Variants in YBX1 observed in about 807,000 individuals in gnomAD.
YBX1 encodes Y-box binding protein 1.
In YBX1, 3 loss-of-function variants were observed where a neutral mutation model predicts 41.4. The observed-to-expected ratio is 0.07, with a 90% CI of 0.03 to 0.19. The LOEUF (loss-of-function observed/expected upper bound fraction) is 0.19, where lower values mean the gene tolerates loss of function less well. Among genes scored for constraint, YBX1 ranks in the 10% least tolerant of loss-of-function variants. YBX1 has a pLI of 1.00. For missense variants in YBX1, 274 were observed against 462.8 expected, an observed-to-expected ratio of 0.59 and a Z score of 3.74; for synonymous variants, 133 against 165.8, an observed-to-expected ratio of 0.80 and a Z score of 1.52.
chr1:42,683,551 AT>A, intron 2 of YBX1, 85 bp downstream of exon 2: 2 of 1,497,232 alleles, frequency 1.3e-6, no homozygotes, highest in Non-Finnish European at 1.9e-6. Context: ...GGAAGCCCCA[AT>A]CCACAGCTCT....
chr1:42,701,404 A>G (rs1474672407), intron 7 of YBX1, among the ~76,000 whole-genome samples: 1 of 152,200 alleles, frequency 6.6e-6, no homozygotes, highest in Non-Finnish European at 1.5e-5. Context: ...TAATTACATT[A>G]TTATTTATGC....
chr1:42,687,740 G>A (rs933904874), intron 2 of YBX1, among the ~76,000 whole-genome samples: 1 of 152,130 alleles, frequency 6.6e-6, no homozygotes, highest in African/African-American at 2.4e-5. Flanking sequence ...CAAATGTGTG[G>A]TTCTTAATAG....
In YBX1 at chr1:42,683,266, G is replaced by C. The variant is rs559087464; in HGVS notation, c.167-137G>C. 20 of 1,023,096 alleles carry C rather than the reference G, an allele frequency of 2.0e-5. No individual in the cohort carries two copies. In the East Asian group the frequency reaches 2.7e-4, roughly 14 times the overall value. The allele number at this position is 1,023,096 out of a possible 1,614,324, so 63.4% of individuals were successfully genotyped here. ...GCGGCGGCGGCGACTGCGTGGCCCCGCACCCGGGCGGTGGAGAGAAAGGGC... is the reference window on the plus strand; with the variant it reads ...GCGGCGGCGGCGACTGCGTGGCCCCCCACCCGGGCGGTGGAGAGAAAGGGC... On this transcript the variant is annotated intron_variant, in intron 1 of 7. Coordinates refer to ENST00000321358, the MANE Select transcript of YBX1 (RefSeq NM_004559.5).
chr1:42,684,965 G>T (rs1169795069), intron 2 of YBX1, among the ~76,000 whole-genome samples: 1 of 152,162 alleles, frequency 6.6e-6, no homozygotes, highest in African/African-American at 2.4e-5. Flanking sequence ...GATTCATTAG[G>T]TCTGGGTACA....
At chr1:42,698,362 C>T (rs1650512834) in intron 6 of YBX1, among the ~76,000 whole-genome samples, 1 of 152,178 alleles carries the variant, frequency 6.6e-6, no homozygotes, top group African/African-American at 2.4e-5. Context: ...CCTAACTGAT[C>T]ACTACCACAA....
chr1:42,686,177 TTC>T (rs1323302833), intron 2 of YBX1, among the ~76,000 whole-genome samples: 2 of 152,252 alleles, frequency 1.3e-5, no homozygotes, highest in African/African-American at 4.8e-5. Flanking sequence ...AGGAATATTT[TTC>T]TGTTTCCAGA....
At chr1:42,700,543 G>A (rs1340394736) in intron 6 of YBX1, among the ~76,000 whole-genome samples, 2 of 150,230 alleles carry the variant, frequency 1.3e-5, no homozygotes, top group Admixed American at 6.6e-5. Flanking sequence ...AGGCCACAGT[G>A]AGCTGTCATC....
chr1:42,687,165 G>A (rs2148736050), intron 2 of YBX1, among the ~76,000 whole-genome samples: 1 of 152,252 alleles, frequency 6.6e-6, no homozygotes, highest in Middle Eastern at 3.4e-3. Context: ...ACAAATAAAA[G>A]GACTTGCTTA....
At chr1:42,683,278 TG>T in intron 1 of YBX1, 124 bp from the exon 2 acceptor site, 1 of 1,114,112 alleles carries the variant, frequency 9.0e-7, no homozygotes, top group Non-Finnish European at 1.4e-6. Flanking sequence ...ACCCGGGCGG[TG>T]GAGAGAAAGG....
Position 42,701,965 on chromosome 1 carries a change from A to C in YBX1, c.*32-16A>C, listed in dbSNP as rs1273124341. 1 of 154,112 alleles carries C rather than the reference A, an allele frequency of 6.5e-6. No homozygotes were observed. The highest frequency in any genetic ancestry group is 6.6e-5 in the Admixed American group (1 of 15,266). 9.5% of individuals were successfully genotyped at this position (154,112 alleles called of 1,614,324 possible). On this transcript the variant is annotated splice_polypyrimidine_tract_variant and intron_variant, in intron 7 of 7. Coordinates refer to ENST00000321358, the MANE Select transcript of YBX1 (RefSeq NM_004559.5). ...CCATGAATTCTACATGATCATCTTT[A>C]TTTTTTTCTTTACAGTTTAGTCATC...
intron 2 of YBX1, among the ~76,000 whole-genome samples, chr1:42,684,986 G>A (rs1236353543): frequency 6.6e-6 from 1 of 152,160 alleles, no homozygotes; most frequent in Non-Finnish European, 1.5e-5. Context: ...TTTTTAACAG[G>A]AATGATAATG....
In YBX1 at chr1:42,696,088, C is replaced by T. The variant is rs535266583; in HGVS notation, c.265-111C>T. 78 of 920,496 alleles carry T rather than the reference C, an allele frequency of 8.5e-5. No individual in the cohort carries two copies. The African/African-American group carries it at 1.3e-3, about 15-fold the overall frequency. 57.0% of individuals were successfully genotyped at this position (920,496 alleles called of 1,614,324 possible). A position where few individuals can be genotyped will look rare whatever the true frequency, so the allele number is the denominator to read the frequency against. On this transcript the variant is annotated intron_variant, in intron 3 of 7. Transcript: ENST00000321358. The surrounding 1 kb of genome is among the most constrained non-coding windows in gnomAD (Gnocchi z 5.7). ...ATTGATGGTTTGGTCTTATTTAAAG[C>T]AAATCTTAAGTGTATATCCAAGCTA... is the stretch of plus-strand genomic sequence containing the variant.
chr1:42,699,829 G>GA (rs1650551110), intron 6 of YBX1, among the ~76,000 whole-genome samples: 2 of 152,004 alleles, frequency 1.3e-5, no homozygotes, highest in South Asian at 4.1e-4. Flanking sequence ...AATTACCTAA[G>GA]AAAAATAGGA....
At chr1:42,698,844 A>G (rs915765952) in intron 6 of YBX1, among the ~76,000 whole-genome samples, 5 of 152,230 alleles carry the variant, frequency 3.3e-5, no homozygotes, top group African/African-American at 7.2e-5. Context: ...GAAGTTATCA[A>G]TGAATGCTAG....
chr1:42,696,748 C>T lies in YBX1; in HGVS notation c.461C>T (p.Pro154Leu), dbSNP rs1182748455. The T allele has an allele frequency of 6.2e-7, 1 of 1,613,830 alleles. No individual in the cohort carries two copies. The change falls in exon 5 of 8, where the codon CCT becomes CTT. Residue 154 changes from proline (P) to leucine (L), a missense_variant. Physicochemically the swap from Pro to Leu is moderately conservative, Grantham distance 98. Coordinates refer to ENST00000321358, the MANE Select transcript of YBX1 (RefSeq NM_004559.5). This position sits in a 1 kb window ranked among gnomAD's most constrained non-coding sequence, Gnocchi z 5.7. The stretch of plus-strand genomic sequence containing the variant: ...AGACGCTATCCACGTCGTAGGGGTC[C>T]TCCACGCAATTACCAGCAAAATTAC... Reference protein sequence around the residue: ...HYRRYPRRRGPPRNYQQNYQN... With the variant: ...HYRRYPRRRGLPRNYQQNYQN...
Position 42,703,056 on chromosome 1 carries a change from G to A in YBX1, c.*1107G>A, listed in dbSNP as rs554564522. 2.0e-5 allele frequency among the ~76,000 whole-genome samples: 3 copies of A among 152,248 alleles called. No individual in the cohort carries two copies. The South Asian group carries it at 6.2e-4, about 32-fold the overall frequency. On this transcript the variant is annotated 3_prime_UTR_variant, in exon 8 of 8. Coordinates refer to ENST00000321358, the MANE Select transcript of YBX1 (RefSeq NM_004559.5). ...TTCTCCTGCCTCGGCCACCTTAGTA[G>A]CTGGGAGTACAGGTGCGTGCCACCA...
chr1:42,683,231 C>T (rs779629034), intron 1 of YBX1, 172 bp from the exon 2 acceptor site: 41 of 771,600 alleles, frequency 5.3e-5, no homozygotes, highest in Non-Finnish European at 9.1e-5. Context: ...CAGACTCACC[C>T]ACGTGTGCGG....
At chr1:42,691,936 C>T (rs1321018248) in intron 2 of YBX1, among the ~76,000 whole-genome samples, 1 of 152,098 alleles carries the variant, frequency 6.6e-6, no homozygotes, top group African/African-American at 2.4e-5. Context: ...CTGTAACCTC[C>T]GCCTCCTAGC....
At chr1:42,685,230 T>A (rs918518282) in intron 2 of YBX1, among the ~76,000 whole-genome samples, 7 of 152,376 alleles carry the variant, frequency 4.6e-5, no homozygotes, top group Non-Finnish European at 7.3e-5. Flanking sequence ...TTACATTTTT[T>A]AAGTATTTAG....
Sources: allele counts gnomAD v4.1 joint callset (sites outside exome capture counted in the v4.1 genomes callset), GRCh38; gene constraint gnomAD v4.1.1; non-coding constraint Gnocchi (gnomAD v3.1); transcripts MANE v1.5; gene names NCBI Gene and HGNC (gene_info 2026-07-23, HGNC 2026-07-21).